ERBB4: variants seen among roughly 807,000 people sequenced by gnomAD.
The protein encoded by ERBB4 is erb-b2 receptor tyrosine kinase 4.
ERBB4 carries 42 observed loss-of-function variants against 158.0 expected under a neutral mutation model. The ratio of observed to expected loss-of-function variants is 0.27; its 90% CI spans 0.21 to 0.34. The LOEUF (loss-of-function observed/expected upper bound fraction) is 0.34, where lower values mean the gene tolerates loss of function less well. Among genes scored for constraint, ERBB4 ranks in the 10% least tolerant of loss-of-function variants. The pLI is 1.00. For missense variants in ERBB4, 1,333 were observed against 1,624.1 expected, an observed-to-expected ratio of 0.82 and a Z score of 3.08; for synonymous variants, 583 against 558.7, an observed-to-expected ratio of 1.04 and a Z score of -0.61.
intron 20 of ERBB4, among the ~76,000 whole-genome samples, chr2:211,504,845 G>T (rs547230754): frequency 6.6e-6 from 1 of 152,044 alleles, no homozygotes; most frequent in African/African-American, 2.4e-5. Flanking sequence ...AGACAAAGCA[G>T]AAAAAGGAAT....
chr2:211,544,350 T>A (rs2066887928), intron 20 of ERBB4, among the ~76,000 whole-genome samples: 1 of 152,054 alleles, frequency 6.6e-6, no homozygotes, highest in South Asian at 2.1e-4. Flanking sequence ...TTTTTTCCAA[T>A]CATTTAATTA....
chr2:212,061,289 C>T (rs1329201411), intron 2 of ERBB4, among the ~76,000 whole-genome samples: 2 of 151,294 alleles, frequency 1.3e-5, no homozygotes, highest in Non-Finnish European at 2.9e-5. Context: ...TCCATCTCTA[C>T]TAAAAATACA....
intron 3 of ERBB4, among the ~76,000 whole-genome samples, chr2:211,869,668 C>T (rs1300215098): frequency 6.6e-6 from 1 of 152,084 alleles, no homozygotes; most frequent in Non-Finnish European, 1.5e-5. Context: ...AATTAAATTA[C>T]ATTGCTTAAA....
At chr2:211,725,556 G>T (rs999132369) in intron 5 of ERBB4, among the ~76,000 whole-genome samples, 1 of 152,062 alleles carries the variant, frequency 6.6e-6, no homozygotes, top group Non-Finnish European at 1.5e-5. Context: ...GATGCAGTGG[G>T]CTACGACTGC....
intron 1 of ERBB4, among the ~76,000 whole-genome samples, chr2:212,187,987 T>C (rs2082065584): frequency 6.6e-6 from 1 of 152,160 alleles, no homozygotes; most frequent in African/African-American, 2.4e-5. Context: ...TAATATTATT[T>C]GGTGATATAT....
At chr2:211,643,901 T>C (rs1330514892) in intron 16 of ERBB4, among the ~76,000 whole-genome samples, 5 of 152,034 alleles carry the variant, frequency 3.3e-5, no homozygotes, top group Admixed American at 1.3e-4. Flanking sequence ...TTCCAAGCAG[T>C]AATAAAATTC....
rs1476439994 is a variant in ERBB4 at position 211,778,543 on chromosome 2, T to C, written c.556+9482A>G. On this transcript the variant is annotated intron_variant, in intron 4 of 27. Transcript: ENST00000342788. ...GATAATTGGTACACCCGATATGGCA[T>C]TCCCCCGGATAAATAACATGAGTGT... The C allele has an allele frequency of 2.0e-5, 3 of 152,194 alleles. No homozygotes were observed. The East Asian group carries it at 5.8e-4, about 29-fold the overall frequency. The allele number at this position is 152,194 out of a possible 1,614,324, so 9.4% of individuals were successfully genotyped here. A position where few individuals can be genotyped will look rare whatever the true frequency, so the allele number is the denominator to read the frequency against.
At chr2:211,736,155 T>G (rs2074591770) in intron 5 of ERBB4, among the ~76,000 whole-genome samples, 1 of 148,802 alleles carries the variant, frequency 6.7e-6, no homozygotes, top group Admixed American at 6.7e-5. Flanking sequence ...ACAGCAAGAC[T>G]CTGTCTCAAA....
chr2:211,595,442 A>T (rs1559333165), intron 19 of ERBB4, among the ~76,000 whole-genome samples: 2 of 152,212 alleles, frequency 1.3e-5, no homozygotes, highest in African/African-American at 4.8e-5. Flanking sequence ...TAGAAAAAAT[A>T]TATGTGGTCT....
chr2:212,156,413 G>T (rs185890515), intron 1 of ERBB4, among the ~76,000 whole-genome samples: 1 of 152,080 alleles, frequency 6.6e-6, no homozygotes, highest in South Asian at 2.1e-4. Context: ...AATAGAAGTG[G>T]TGGATAGGAA....
intron 1 of ERBB4, among the ~76,000 whole-genome samples, chr2:212,336,299 T>C (rs1164073809): frequency 6.6e-6 from 1 of 152,048 alleles, no homozygotes; most frequent in Non-Finnish European, 1.5e-5. Flanking sequence ...AAGTCATTAT[T>C]ATAGACTGAA....
At chr2:212,249,049 T>C (rs2084418438) in intron 1 of ERBB4, among the ~76,000 whole-genome samples, 1 of 152,084 alleles carries the variant, frequency 6.6e-6, no homozygotes, top group Non-Finnish European at 1.5e-5. Context: ...TCGTTTCTAA[T>C]TTATATTTGG....
intron 1 of ERBB4, among the ~76,000 whole-genome samples, chr2:212,520,209 G>A (rs1575073485): frequency 2.0e-5 from 3 of 151,862 alleles, no homozygotes; most frequent in Non-Finnish European, 4.4e-5. Flanking sequence ...ATAATACAAC[G>A]GATGGAGGAA....
intron 1 of ERBB4, among the ~76,000 whole-genome samples, chr2:212,417,699 T>A (rs751811347): frequency 2.0e-5 from 3 of 152,076 alleles, no homozygotes; most frequent in Non-Finnish European, 4.4e-5. Flanking sequence ...TATGAGCTCC[T>A]CAGTATCTTT....
intron 20 of ERBB4, among the ~76,000 whole-genome samples, chr2:211,471,761 A>G (rs2064832976): frequency 6.6e-6 from 1 of 152,160 alleles, no homozygotes; most frequent in East Asian, 1.9e-4. Flanking sequence ...GTTTGGTAGG[A>G]CAGGTATCTC....
chr2:212,369,260 T>G (rs2090002305), intron 1 of ERBB4, among the ~76,000 whole-genome samples: 1 of 152,182 alleles, frequency 6.6e-6, no homozygotes, highest in South Asian at 2.1e-4. Flanking sequence ...ACAGTGGAGC[T>G]GAGTGACACT....
chr2:211,963,208 G>C (rs1465275961), intron 2 of ERBB4, among the ~76,000 whole-genome samples: 1 of 151,922 alleles, frequency 6.6e-6, no homozygotes, highest in Non-Finnish European at 1.5e-5. Context: ...TTTGGTGAGG[G>C]GTGGAGGGTG....
intron 20 of ERBB4, among the ~76,000 whole-genome samples, chr2:211,433,154 A>G (rs1180194785): frequency 6.6e-6 from 1 of 152,220 alleles, no homozygotes; most frequent in Non-Finnish European, 1.5e-5. Context: ...TGTATGAGGG[A>G]CAGTGGTGAG....
chr2:212,260,735 C>T (rs2084911332), intron 1 of ERBB4, among the ~76,000 whole-genome samples: 1 of 151,936 alleles, frequency 6.6e-6, no homozygotes, highest in Admixed American at 6.6e-5. Flanking sequence ...ATTGTTTAAA[C>T]CCAGGAGACG....
Sources: gnomAD v4.1 joint callset for allele counts (sites outside exome capture counted in the v4.1 genomes callset) on GRCh38, gnomAD v4.1.1 for gene constraint, MANE v1.5 for transcripts, NCBI Gene and HGNC (gene_info 2026-07-23, HGNC 2026-07-21) for gene names.